The following EXOG variants were observed in gnomAD, a reference collection of about 807,000 sequenced individuals.
EXOG encodes nuclease EXOG, mitochondrial.
In EXOG, 27 loss-of-function variants were observed where a neutral mutation model predicts 25.8. The ratio of observed to expected loss-of-function variants is 1.05; its 90% CI spans 0.77 to 1.45. EXOG has a LOEUF of 1.45. Ranked by LOEUF, EXOG falls within the 40% of genes most tolerant of loss-of-function variation. The probability of loss-of-function intolerance (pLI) is 0.00; values close to 1 mark genes in which losing one functional copy is unlikely to be tolerated. For missense variants in EXOG, 458 were observed against 450.5 expected (o/e 1.02, Z -0.15); for synonymous variants, 133 against 167.0 (o/e 0.80, Z 1.57).
chr3:38,518,966 A>G (rs1368965187), intron 5 of EXOG, among the ~76,000 whole-genome samples: 1 of 152,210 alleles, frequency 6.6e-6, no homozygotes, highest in Non-Finnish European at 1.5e-5. Flanking sequence ...GTTTATAGTA[A>G]ATGAATTGCT....
chr3:38,514,631 C>T (rs2125786415), intron 5 of EXOG, among the ~76,000 whole-genome samples: 1 of 152,202 alleles, frequency 6.6e-6, no homozygotes, highest in South Asian at 2.1e-4. Context: ...TGTTTGCAAT[C>T]CCAGTAAGCT....
chr3:38,525,028 T>C lies in EXOG; in HGVS notation c.*666T>C, dbSNP rs1132064. The stretch of plus-strand genomic sequence containing the variant: ...CACATGCACTATATATTTGTTTCTT[T>C]TTTCTCCTCTCATGAATCTGCTCGT... On this transcript the variant is annotated 3_prime_UTR_variant, in exon 6 of 6. Transcript: ENST00000287675. 0.41 allele frequency: 405,452 copies of C among 984,086 alleles called. 87,306 individuals are homozygous for C. The highest frequency in any genetic ancestry group is 0.73 in the African/African-American group (41,820 of 57,264). 61.0% of individuals were successfully genotyped at this position (984,086 alleles called of 1,614,324 possible).
chr3:38,503,584 A>G, intron 3 of EXOG, 31 bp from the exon 4 acceptor site: 1 of 1,215,556 alleles, frequency 8.2e-7, no homozygotes, highest in Non-Finnish European at 1.2e-6. Flanking sequence ...AAAGCATTTC[A>G]GTGCAAGTTA....
In EXOG at chr3:38,497,730, C is replaced by G. The variant is rs371616022; in HGVS notation, c.265C>G (p.Arg89Gly). 1 of 1,607,788 alleles carries G rather than the reference C, an allele frequency of 6.2e-7. No homozygotes were observed. Among genetic ancestry groups the G allele is most frequent in the Admixed American group, 1.7e-5 (1 of 58,464 alleles). The change falls in exon 2 of 6, where the codon CGG becomes GGG. Residue 89 changes from arginine (R) to glycine (G), a missense_variant. Coordinates refer to ENST00000287675, the MANE Select transcript of EXOG (RefSeq NM_005107.4). ...CGCTTTGTCTTATGATCAGGCAAAGCGGGTGCCTAGATGGGTTCTTGAACA... is the reference window on the plus strand; with the variant it reads ...CGCTTTGTCTTATGATCAGGCAAAGGGGGTGCCTAGATGGGTTCTTGAACA... ...NHALSYDQAK[R>G]VPRWVLEHIS...
chr3:38,508,713 C>CA (rs942538131), intron 5 of EXOG, among the ~76,000 whole-genome samples: 1 of 144,234 alleles, frequency 6.9e-6, no homozygotes, highest in East Asian at 2.1e-4. Flanking sequence ...GAGGAACCAC[C>CA]CCCCCCCCAA....
chr3:38,522,742 G>A (rs746878285), intron 5 of EXOG, among the ~76,000 whole-genome samples: 2 of 152,240 alleles, frequency 1.3e-5, no homozygotes, highest in Non-Finnish European at 2.9e-5. Context: ...AACCTCAGGA[G>A]ATCTGCCTGC....
rs1051371382 is a variant in EXOG at position 38,521,671 on chromosome 3, C to T, written c.646-2230C>T. ...CTTTCACCTTCTCCCTCTTTGCAAA[C>T]TATGGCTCAGCTGCATCTGTGCCCT... On this transcript the variant is annotated intron_variant, in intron 5 of 5. Coordinates refer to ENST00000287675, the MANE Select transcript of EXOG (RefSeq NM_005107.4). Among the ~76,000 whole-genome samples, 10 of 152,332 alleles carry T rather than the reference C, an allele frequency of 6.6e-5. No homozygotes were observed. In the East Asian group the frequency reaches 1.9e-3, roughly 29 times the overall value.
Position 38,525,662 on chromosome 3 carries a change from G to A in EXOG, c.*1300G>A. The A allele has an allele frequency of 1.0e-6, 1 of 983,578 alleles. No individual in the cohort carries two copies. The highest frequency in any genetic ancestry group is 1.2e-6 in the Non-Finnish European group (1 of 828,226). The allele number at this position is 983,578 out of a possible 1,614,324, so 60.9% of individuals were successfully genotyped here. On this transcript the variant is annotated 3_prime_UTR_variant, in exon 6 of 6. Transcript: ENST00000287675. ...TTAAGAAACCTATGAAGGATCTGCA[G>A]CCAGGCATGGTGGCTCAGGCCTATA...
intron 4 of EXOG, among the ~76,000 whole-genome samples, chr3:38,506,215 C>A (rs1197855908): frequency 6.6e-6 from 1 of 151,828 alleles, no homozygotes; most frequent in African/African-American, 2.4e-5. Flanking sequence ...GGTAAGTTGA[C>A]AAAAACAGAT....
intron 5 of EXOG, among the ~76,000 whole-genome samples, chr3:38,508,714 C>A (rs1013902282): frequency 2.7e-5 from 4 of 147,596 alleles, no homozygotes; most frequent in African/African-American, 1.0e-4. Flanking sequence ...AGGAACCACC[C>A]CCCCCCCAAA....
In EXOG at chr3:38,523,165, A is replaced by G. The variant is rs1347297526; in HGVS notation, c.646-736A>G. ...TTTCATAAACTAAGGCCATGTTTTT[A>G]TTTCTAGAGCTGGGAGTACCCAAGC... On this transcript the variant is annotated intron_variant, in intron 5 of 5. Transcript: ENST00000287675. 3.9e-6 allele frequency: 5 copies of G among 1,280,508 alleles called. No homozygotes were observed. In the East Asian group the frequency reaches 2.8e-4, roughly 71 times the overall value. 79.3% of individuals were successfully genotyped at this position (1,280,508 alleles called of 1,614,324 possible). A position where few individuals can be genotyped will look rare whatever the true frequency, so the allele number is the denominator to read the frequency against.
At position 38,496,422 on chromosome 3, in the gene EXOG, G is replaced by T; in HGVS notation, c.55G>T (p.Gly19Cys). 6.2e-7 allele frequency: 1 copy of T among 1,614,088 alleles called. No individual in the cohort carries two copies. Among genetic ancestry groups the T allele is most frequent in the Non-Finnish European group, 8.5e-7 (1 of 1,179,956 alleles). The stretch of plus-strand genomic sequence containing the variant: ...CCGGGGTTCCCGTCGTTTTCTGAGC[G>T]GCTTCGTGGCTGGGGCTGTAGTGGG... ...RLRGSRRFLSGFVAGAVVGAA... is the reference protein window; with the variant it reads ...RLRGSRRFLSCFVAGAVVGAA... Residue 19 changes from glycine to cysteine, a missense_variant, in exon 1 of 6, where the codon GGC (glycine) becomes TGC (cysteine). By Grantham distance (159) the Gly-to-Cys change is radical. Around this residue, in one of 3 missense-constraint regions of EXOG, gnomAD observed 275 missense variants for 230.5 expected, o/e 1.19. Coordinates refer to ENST00000287675, the MANE Select transcript of EXOG (RefSeq NM_005107.4).
chr3:38,496,599 A>C (rs1328159861), intron 1 of EXOG, 69 bp downstream of exon 1: 7 of 1,553,956 alleles, frequency 4.5e-6, no homozygotes, highest in Middle Eastern at 1.7e-4. Context: ...CTGGAGTGTG[A>C]ATGGCAGTCC....
intron 2 of EXOG, among the ~76,000 whole-genome samples, chr3:38,500,456 T>A (rs2060013887): frequency 6.6e-6 from 1 of 152,192 alleles, no homozygotes; most frequent in Non-Finnish European, 1.5e-5. Flanking sequence ...TAATGATAAA[T>A]TTTTCTGTAT....
At chr3:38,517,276 CAA>C (rs2060574654) in intron 5 of EXOG, among the ~76,000 whole-genome samples, 1 of 152,166 alleles carries the variant, frequency 6.6e-6, no homozygotes, top group African/African-American at 2.4e-5. Context: ...TATTTTTATT[CAA>C]AGAGTTTTAA....
At chr3:38,498,554 C>CAA (rs749459757) in intron 2 of EXOG, among the ~76,000 whole-genome samples, 1 of 123,986 alleles carries the variant, frequency 8.1e-6, no homozygotes, top group Non-Finnish European at 1.7e-5. Context: ...GAATGTGTCT[C>CAA]AAAAAAAAAA....
intron 1 of EXOG, 25 bp from the exon 2 acceptor site, chr3:38,497,604 C>CTTTT: frequency 1.4e-6 from 2 of 1,412,218 alleles, no homozygotes; most frequent in Non-Finnish European, 1.9e-6. Context: ...TCTGCCCCCC[C>CTTTT]TTTTTTTTTT....
At chr3:38,508,292 AGT>A (rs1335832910) in intron 5 of EXOG, among the ~76,000 whole-genome samples, 1 of 152,052 alleles carries the variant, frequency 6.6e-6, no homozygotes, top group African/African-American at 2.4e-5. Context: ...AAGATAGGAG[AGT>A]GTAATTAGTG....
chr3:38,497,114 A>G (rs1457558253), intron 1 of EXOG: 40 of 1,007,292 alleles, frequency 4.0e-5, no homozygotes, highest in Non-Finnish European at 4.7e-5. Flanking sequence ...CATTTCTTGT[A>G]CTTTGCGGAT....
Sources: allele counts gnomAD v4.1 joint callset (sites outside exome capture counted in the v4.1 genomes callset), GRCh38; gene constraint gnomAD v4.1.1; regional missense constraint gnomAD v4.1.1; transcripts MANE v1.5; gene names NCBI Gene and HGNC (gene_info 2026-07-23, HGNC 2026-07-21).